Variants in NCAN observed in about 807,000 individuals in gnomAD.
The protein encoded by NCAN is neurocan, also known as neurocan core protein.
In NCAN, 47 loss-of-function variants were observed where a neutral mutation model predicts 121.8. The ratio of observed to expected loss-of-function variants is 0.39; its 90% confidence interval spans 0.31 to 0.49. The LOEUF (loss-of-function observed/expected upper bound fraction) is 0.49, where lower values mean the gene tolerates loss of function less well. Ranked by LOEUF, NCAN falls within the 20% of genes least tolerant of loss-of-function variation. The pLI, the probability that NCAN is intolerant of heterozygous loss-of-function variation, is 0.92. For missense variants in NCAN, 1,517 were observed against 1,773.4 expected (o/e 0.86, Z 2.60); for synonymous variants, 633 against 702.0 (o/e 0.90, Z 1.55).
Position 19,225,253 on chromosome 19 carries a change from A to G in NCAN, c.1055A>G (p.Asp352Gly). 1 of 1,549,922 alleles carries G rather than the reference A, an allele frequency of 6.5e-7. No individual in the cohort carries two copies. The highest frequency in any genetic ancestry group is 1.2e-5 in the South Asian group (1 of 85,814). The change falls in exon 6 of 15, where the codon GAC becomes GGC. Residue 352 changes from aspartate to glycine, a missense_variant. Physicochemically the swap from Asp to Gly is moderately conservative, Grantham distance 94 (BLOSUM62 -1). Transcript: ENST00000252575. This position sits in a 1 kb window ranked among gnomAD's most constrained non-coding sequence, Gnocchi z 4.0. ...TGFPSPAERFDAYCFRAHHPT... is the reference protein window; with the variant it reads ...TGFPSPAERFGAYCFRAHHPT... ...TTCCCCTCACCCGCCGAGCGCTTCG[A>G]CGCCTACTGCTTCCGAGGTGCGTGC... is the stretch of plus-strand genomic sequence containing the variant.
chr19:19,224,184 C>A lies in NCAN; in HGVS notation c.639C>A (p.Asp213Glu). The A allele has an allele frequency of 6.3e-7, 1 of 1,590,334 alleles. No individual in the cohort carries two copies. The highest frequency in any genetic ancestry group is 1.1e-5 in the South Asian group (1 of 88,994). Residue 213 changes from aspartate (D) to glutamate (E), a missense_variant, in exon 4 of 15, where the codon GAC becomes GAA. Coordinates refer to ENST00000252575, the MANE Select transcript of NCAN (RefSeq NM_004386.3). The part of the protein sequence containing the change: ...FDNCDAGWLS[D>E]RTVRYPITQS... The stretch of plus-strand genomic sequence containing the variant: ...ACTGTGATGCTGGCTGGCTCTCTGA[C>A]CGCACTGTTCGGTGAGGGGGATACA...
chr19:19,236,938 A>G (rs926964488), intron 10 of NCAN, among the ~76,000 whole-genome samples: 5 of 151,782 alleles, frequency 3.3e-5, no homozygotes, highest in African/African-American at 1.2e-4. Flanking sequence ...TTTTTGAGAC[A>G]GGGTCTCACT....
At chr19:19,245,111 C>A (rs776681906) in intron 12 of NCAN, among the ~76,000 whole-genome samples, 57 of 152,274 alleles carry the variant, frequency 3.7e-4, no homozygotes, top group Non-Finnish European at 7.2e-4. Context: ...AATGCTGCAG[C>A]CTCCAAACCA....
intron 12 of NCAN, among the ~76,000 whole-genome samples, chr19:19,241,574 G>A (rs906419859): frequency 1.3e-5 from 2 of 151,692 alleles, no homozygotes; most frequent in African/African-American, 4.8e-5. Context: ...ACAGTGGTAC[G>A]AGCCTGTAGT....
intron 3 of NCAN, 34 bp downstream of exon 3, chr19:19,219,350 G>T: frequency 6.8e-7 from 1 of 1,462,574 alleles, no homozygotes; most frequent in Non-Finnish European, 9.0e-7. Flanking sequence ...CCGGGGGCCG[G>T]GGAGAGGGAG....
rs1048789582 is a variant in NCAN, at chr19:19,225,207, C to T, written c.1009C>T (p.Arg337Cys). 3.2e-6 allele frequency: 5 copies of T among 1,570,528 alleles called. No homozygotes were observed. The African/African-American group carries it at 7.0e-5, about 22-fold the overall frequency. The change falls in exon 6 of 15, where the codon CGC becomes TGC. Residue 337 changes from arginine (R) to cysteine (C), a missense_variant. Physicochemically the swap from Arg to Cys is radical, Grantham distance 180. Transcript: ENST00000252575. The surrounding 1 kb of genome is among the most constrained non-coding windows in gnomAD (Gnocchi z 4.0). ...AGCCCCGGGCGTGCGCACCGTCTAC[C>T]GCTTCGCTAACCGGACCGGCTTCCC... ...GPAPGVRTVYRFANRTGFPSP... is the reference protein window; with the variant it reads ...GPAPGVRTVYCFANRTGFPSP...
At chr19:19,239,097 C>A (rs1259766407) in intron 11 of NCAN, among the ~76,000 whole-genome samples, 1 of 152,038 alleles carries the variant, frequency 6.6e-6, no homozygotes, top group Non-Finnish European at 1.5e-5. Context: ...CGCCTTCTCA[C>A]CTATCTGCCC....
In NCAN at chr19:19,228,638, G is replaced by C. The variant is rs773700528; in HGVS notation, c.3018G>C (p.Glu1006Asp). ...PGTPMNAGAEEVHSDPCENNP... is the reference protein window; with the variant it reads ...PGTPMNAGAEDVHSDPCENNP... The stretch of plus-strand genomic sequence containing the variant: ...CCCCTATGAATGCAGGTGCGGAGGA[G>C]GGTGAGTACAAAGTCCCGGGGCTCT... The change falls in exon 8 of 15, where the codon GAG becomes GAC. Residue 1006 changes from glutamate (E) to aspartate (D), a missense_variant and splice_region_variant. Coordinates refer to ENST00000252575, the MANE Select transcript of NCAN (RefSeq NM_004386.3). The C allele has an allele frequency of 1.0e-5, 16 of 1,606,014 alleles. No homozygotes were observed. The Admixed American group carries it at 2.7e-4, about 27-fold the overall frequency.
Position 19,227,497 on chromosome 19 carries a change from C to G in NCAN, c.1877C>G (p.Thr626Ser). 6.2e-7 allele frequency: 1 copy of G among 1,613,678 alleles called. No individual in the cohort carries two copies. The highest frequency in any genetic ancestry group is 8.5e-7 in the Non-Finnish European group (1 of 1,179,922). Residue 626 changes from threonine to serine, a missense_variant, in exon 8 of 15, where the codon ACC becomes AGC. By Grantham distance (58) the Thr-to-Ser change is moderately conservative (BLOSUM62 1). Transcript: ENST00000252575. The surrounding 1 kb of genome is among the most constrained non-coding windows in gnomAD (Gnocchi z 4.2). ...PAPWEAFPVA[T>S]SPDLPMMAML... ...CCCTGGGAGGCATTCCCTGTGGCCACCTCCCCAGATCTCCCTATGATGGCC... is the reference window on the plus strand; with the variant it reads ...CCCTGGGAGGCATTCCCTGTGGCCAGCTCCCCAGATCTCCCTATGATGGCC...
At position 19,212,916 on chromosome 19, in the gene NCAN, C is replaced by T. The variant is rs986372682; in HGVS notation, c.-8+852C>T. Among the ~76,000 whole-genome samples the T allele has an allele frequency of 1.8e-4, 27 of 152,178 alleles. No homozygotes were observed. Among genetic ancestry groups the T allele is most frequent in the African/African-American group, 5.8e-4 (24 of 41,448 alleles). Reference sequence around the variant, plus strand: ...AGCATGACACAGACCCCTACCCCCACCCCCTTTAGTTCCACCTGTCCATAT... The same window carrying T: ...AGCATGACACAGACCCCTACCCCCATCCCCTTTAGTTCCACCTGTCCATAT... On this transcript the variant is annotated intron_variant, in intron 1 of 14. Transcript: ENST00000252575. The surrounding 1 kb of genome is among the most constrained non-coding windows in gnomAD (Gnocchi z 4.5).
chr19:19,245,230 A>G lies in NCAN; in HGVS notation c.3493-83A>G. On this transcript the variant is annotated intron_variant, in intron 12 of 14. Coordinates refer to ENST00000252575, the MANE Select transcript of NCAN (RefSeq NM_004386.3). Reference sequence around the variant, plus strand: ...CCCTGTGAGTTTGAGGGGTCTGGCCAGGGGAGTCCCACAGCAGGAATTGCC... The same window carrying G: ...CCCTGTGAGTTTGAGGGGTCTGGCCGGGGGAGTCCCACAGCAGGAATTGCC... 3 of 1,540,930 alleles carry G rather than the reference A, an allele frequency of 1.9e-6. 1 individual carries two copies. The highest frequency in any genetic ancestry group is 1.2e-5 in the South Asian group (1 of 80,482).
intron 9 of NCAN, among the ~76,000 whole-genome samples, chr19:19,234,221 C>T (rs548004820): frequency 6.6e-5 from 10 of 152,212 alleles, no homozygotes; most frequent in South Asian, 4.1e-4. Flanking sequence ...TTTCCTGGGT[C>T]GGTGGGAGGT....
chr19:19,217,947 A>G (rs758452622), intron 2 of NCAN, among the ~76,000 whole-genome samples: 34 of 151,790 alleles, frequency 2.2e-4, no homozygotes, highest in Non-Finnish European at 4.6e-4. Context: ...AGATCATGCC[A>G]CTCCACTCCA....
At chr19:19,215,017 T>A (rs964672699) in intron 1 of NCAN, among the ~76,000 whole-genome samples, 1 of 152,220 alleles carries the variant, frequency 6.6e-6, no homozygotes, top group African/African-American at 2.4e-5. Flanking sequence ...TACCCTGCTG[T>A]GCAGCCTGAG....
Position 19,211,960 on chromosome 19 carries a change from A to G in NCAN, c.-112A>G. 1 of 175,896 alleles carries G rather than the reference A, an allele frequency of 5.7e-6. No homozygotes were observed. The highest frequency in any genetic ancestry group is 7.4e-5 in the South Asian group (1 of 13,588). 10.9% of individuals were successfully genotyped at this position (175,896 alleles called of 1,614,324 possible). A position where few individuals can be genotyped will look rare whatever the true frequency, so the allele number is the denominator to read the frequency against. ...ACTGAGGCGGCGCTGGGGCCAGCGG[A>G]GCGCAGGGCGCAGGGGCTGGACCCG... On this transcript the variant is annotated 5_prime_UTR_variant, in exon 1 of 15. Coordinates refer to ENST00000252575, the MANE Select transcript of NCAN (RefSeq NM_004386.3).
At chr19:19,218,702 C>G (rs1449046657) in intron 2 of NCAN, among the ~76,000 whole-genome samples, 1 of 152,126 alleles carries the variant, frequency 6.6e-6, no homozygotes, top group Non-Finnish European at 1.5e-5. Context: ...AAATTCCTGA[C>G]CTCAGGTGAT....
At position 19,219,167 on chromosome 19, in the gene NCAN, G is replaced by T. The variant is rs887552838; in HGVS notation, c.326G>T (p.Gly109Val). 1 of 1,613,458 alleles carries T rather than the reference G, an allele frequency of 6.2e-7. No homozygotes were observed. Among genetic ancestry groups the T allele is most frequent in the Non-Finnish European group, 8.5e-7 (1 of 1,180,026 alleles). The change falls in exon 3 of 15, where the codon GGA becomes GTA. Residue 109 changes from glycine (G) to valine (V), a missense_variant. Transcript: ENST00000252575. ...GTGAGGGTGGCCAAAAGCTGGCAGG[G>T]ACGAGTGTCACTGCCTTCCTACCCC... ...NVVRVAKSWQGRVSLPSYPRR... is the reference protein window; with the variant it reads ...NVVRVAKSWQVRVSLPSYPRR...
chr19:19,233,802 C>T lies in NCAN; in HGVS notation c.3033C>T (p.Pro1011=). 6.2e-7 allele frequency: 1 copy of T among 1,611,866 alleles called. No homozygotes were observed. The highest frequency in any genetic ancestry group is 2.2e-5 in the East Asian group (1 of 44,874). ...TCCATCCTGCAGTGCACTCAGATCC[C>T]TGTGAGAACAACCCTTGTCTTCATG... The part of the protein sequence containing the change: ...NAGAEEVHSD[P]CENNPCLHGG... The change falls in exon 9 of 15, where the codon CCC becomes CCT. Residue 1011 remains proline, a synonymous_variant. Coordinates refer to ENST00000252575, the MANE Select transcript of NCAN (RefSeq NM_004386.3).
chr19:19,249,934 A>T lies in NCAN; in HGVS notation c.*23A>T, dbSNP rs773107533. The T allele has an allele frequency of 1.6e-5, 25 of 1,603,524 alleles. No individual in the cohort carries two copies. The East Asian group carries it at 5.0e-4, about 32-fold the overall frequency. On this transcript the variant is annotated 3_prime_UTR_variant, in exon 15 of 15. Coordinates refer to ENST00000252575, the MANE Select transcript of NCAN (RefSeq NM_004386.3). ...TGAAGAACCAGAAAAAAGAAAGCAC[A>T]ACACCTTTCCCATGCCTCCTCTGGA...
Sources: allele counts gnomAD v4.1 joint callset (sites outside exome capture counted in the v4.1 genomes callset), GRCh38; gene constraint gnomAD v4.1.1; non-coding constraint Gnocchi (gnomAD v3.1); transcripts MANE v1.5; gene names NCBI Gene and HGNC (gene_info 2026-07-23, HGNC 2026-07-21).